MAPK10: variants seen among roughly 807,000 people sequenced by gnomAD.
MAPK10 encodes the protein mitogen-activated protein kinase 10.
A neutral mutation model predicts 59.3 loss-of-function variants in MAPK10; 25 were observed. The ratio of observed to expected loss-of-function variants is 0.42; its 90% CI spans 0.31 to 0.59. The LOEUF (loss-of-function observed/expected upper bound fraction) is 0.59. MAPK10 is among the 20% of genes least tolerant of loss of function. The pLI, the probability that MAPK10 is intolerant of heterozygous loss-of-function variation, is 0.15. For synonymous variants in MAPK10, 190 were observed against 200.5 expected (o/e 0.95, Z 0.44); for missense variants, 351 against 568.9 (o/e 0.62, Z 3.90).
At chr4:86,492,391 T>C (rs1048589446) in intron 1 of MAPK10, among the ~76,000 whole-genome samples, 1 of 152,222 alleles carries the variant, frequency 6.6e-6, no homozygotes, top group African/African-American at 2.4e-5. Flanking sequence ...CCTGTATGAA[T>C]AGAATACACA....
intron 4 of MAPK10, chr4:86,152,256 T>G (rs1009707599): frequency 1.3e-5 from 2 of 152,184 alleles, no homozygotes; most frequent in African/African-American, 4.8e-5. Context: ...GTGAAAAATG[T>G]TTTTAATGAT....
intron 1 of MAPK10, among the ~76,000 whole-genome samples, chr4:86,553,705 A>G (rs551116392): frequency 6.6e-6 from 1 of 151,806 alleles, no homozygotes; most frequent in African/African-American, 2.4e-5. Flanking sequence ...CACCCATTCT[A>G]CCCAGTTCTG....
chr4:86,229,905 C>CA lies in MAPK10; in HGVS notation c.-6-35499dup, dbSNP rs1294038233. On this transcript the variant is annotated intron_variant, in intron 2 of 13. Transcript: ENST00000641462. Reference sequence around the variant, plus strand: ...ACTCTGTCTCTACAAAAAAAAAAATCAAAAAATTAGCTAGGTACATTGGAA... The same window carrying CA: ...ACTCTGTCTCTACAAAAAAAAAAATCAAAAAAATTAGCTAGGTACATTGGAA... Among the ~76,000 whole-genome samples the CA allele has an allele frequency of 5.3e-5, 8 of 151,490 alleles. 1 individual carries two copies. The highest frequency in any genetic ancestry group is 4.6e-4 in the Admixed American group (7 of 15,198).
intron 1 of MAPK10, among the ~76,000 whole-genome samples, chr4:86,503,838 C>T (rs1486403350): frequency 2.6e-5 from 4 of 152,038 alleles, no homozygotes; most frequent in African/African-American, 9.7e-5. Context: ...TACCAGACCC[C>T]ATCATCTACC....
intron 11 of MAPK10, among the ~76,000 whole-genome samples, chr4:86,043,297 C>A (rs1275941828): frequency 6.6e-6 from 1 of 152,142 alleles, no homozygotes; most frequent in Non-Finnish European, 1.5e-5. Context: ...TGCAGGAGAA[C>A]AGGTGTGCTG....
intron 2 of MAPK10, among the ~76,000 whole-genome samples, chr4:86,239,087 T>C (rs927473604): frequency 6.6e-6 from 1 of 152,236 alleles, no homozygotes. Context: ...AGGCCTTTTC[T>C]GCATCTATTG....
chr4:86,251,281 C>T lies in MAPK10; in HGVS notation c.-6-56874G>A, dbSNP rs958502937. Among the ~76,000 whole-genome samples, 80 of 151,936 alleles carry T rather than the reference C, an allele frequency of 5.3e-4. 2 individuals carry two copies. The highest frequency in any genetic ancestry group is 4.5e-3 in the Admixed American group (69 of 15,248). On this transcript the variant is annotated intron_variant, in intron 2 of 13. Coordinates refer to ENST00000641462, the MANE Select transcript of MAPK10 (RefSeq NM_138982.4). ...TGCTGGTGCGCTGCACCCACTAACT[C>T]GTCATCTAGCATTAGGTATATCTAC...
chr4:86,277,983 A>G (rs2094645115), intron 2 of MAPK10, among the ~76,000 whole-genome samples: 1 of 150,486 alleles, frequency 6.6e-6, no homozygotes, highest in African/African-American at 2.4e-5. Context: ...CACAAAGTAT[A>G]ACATCATGAT....
intron 2 of MAPK10, among the ~76,000 whole-genome samples, chr4:86,302,248 T>C (rs1346134360): frequency 6.6e-6 from 1 of 152,218 alleles, no homozygotes; most frequent in Non-Finnish European, 1.5e-5. Context: ...CATAGCTAGT[T>C]AGAGAATGTA....
intron 1 of MAPK10, among the ~76,000 whole-genome samples, chr4:86,420,307 C>T (rs994663394): frequency 1.3e-5 from 2 of 152,120 alleles, no homozygotes; most frequent in Admixed American, 6.5e-5. Flanking sequence ...ATATCTTACT[C>T]AGAAATGAAC....
At chr4:86,585,814 T>C (rs1762619873) in intron 1 of MAPK10, among the ~76,000 whole-genome samples, 1 of 152,180 alleles carries the variant, frequency 6.6e-6, no homozygotes, top group Non-Finnish European at 1.5e-5. Context: ...CTAGACATTA[T>C]AGGGGGAGAT....
At chr4:86,576,428 A>C (rs1211397876) in intron 1 of MAPK10, among the ~76,000 whole-genome samples, 1 of 152,158 alleles carries the variant, frequency 6.6e-6, no homozygotes, top group African/African-American at 2.4e-5. Context: ...ATAATGCAAG[A>C]ACATTTCTTA....
chr4:86,054,578 C>A (rs2148966859), intron 11 of MAPK10, among the ~76,000 whole-genome samples: 1 of 152,296 alleles, frequency 6.6e-6, no homozygotes, highest in African/African-American at 2.4e-5. Context: ...TTTCCCCAAG[C>A]AAATGAAAAC....
intron 1 of MAPK10, among the ~76,000 whole-genome samples, chr4:86,587,625 C>T (rs1229896259): frequency 2.0e-5 from 3 of 152,172 alleles, no homozygotes; most frequent in East Asian, 1.9e-4. Context: ...TGCTCCTGGG[C>T]TTAAAGTAGG....
At chr4:86,168,202 C>G (rs147050415) in intron 3 of MAPK10, among the ~76,000 whole-genome samples, 5 of 152,164 alleles carry the variant, frequency 3.3e-5, no homozygotes, top group Non-Finnish European at 5.9e-5. Context: ...GAGTGCCAGA[C>G]AGTGGGTGCA....
intron 11 of MAPK10, among the ~76,000 whole-genome samples, chr4:86,038,917 T>C (rs1288344279): frequency 6.6e-6 from 1 of 152,202 alleles, no homozygotes; most frequent in African/African-American, 2.4e-5. Flanking sequence ...CATTAAGCAA[T>C]GACCTGGTTT....
intron 5 of MAPK10, among the ~76,000 whole-genome samples, chr4:86,104,151 A>C (rs2056105186): frequency 6.6e-6 from 1 of 152,170 alleles, no homozygotes; most frequent in South Asian, 2.1e-4. Flanking sequence ...AGACATGTGG[A>C]GTAATAAACA....
intron 2 of MAPK10, among the ~76,000 whole-genome samples, chr4:86,250,954 T>G (rs1276397338): frequency 6.6e-6 from 1 of 152,134 alleles, no homozygotes; most frequent in East Asian, 1.9e-4. Context: ...GCAGTTAAAG[T>G]GTTGCTTTGA....
In MAPK10 at chr4:86,067,899, TGAATTCTG is replaced by T; in HGVS notation, c.851_858del (p.Pro284HisfsTer40). The T allele has an allele frequency of 1.2e-6, 2 of 1,614,040 alleles. No homozygotes were observed. The highest frequency in any genetic ancestry group is 1.7e-6 in the Non-Finnish European group (2 of 1,179,932). ...CTTACTGTGGGTTGCAATTTCTTCA[TGAATTCTG>T]GACATGGTGTTCCTAGTTGTTCAAT... On this transcript the variant is annotated frameshift_variant, in exon 10 of 14. Transcript: ENST00000641462. LOFTEE classifies it high-confidence loss of function.
Sources: gnomAD v4.1 joint callset for allele counts (sites outside exome capture counted in the v4.1 genomes callset) on GRCh38, gnomAD v4.1.1 for gene constraint, MANE v1.5 for transcripts, NCBI Gene and HGNC (gene_info 2026-07-23, HGNC 2026-07-21) for gene names.